Variants in RMP24 observed in about 807,000 individuals in gnomAD.
RMP24 encodes ribonuclease MRP protein subunit p24.
chr18:35,974,889 AT>A, the RMP24 span: 7 of 1,608,334 alleles, frequency 4.4e-6, no homozygotes, highest in Non-Finnish European at 5.9e-6. Context: ...CATTTGTATA[AT>A]TTTAGATGAT....
chr18:35,973,014 A>G, the RMP24 span: 1 of 1,415,022 alleles, frequency 7.1e-7, no homozygotes, highest in Non-Finnish European at 9.9e-7. Context: ...CTCCATAAAA[A>G]CAACAACAAC....
chr18:35,972,806 G>T, the RMP24 span: 1 of 1,614,226 alleles, frequency 6.2e-7, no homozygotes, highest in Admixed American at 1.7e-5. Flanking sequence ...GCTACCTCCT[G>T]TAAGAGGACT....
chr18:35,974,870 T>C, the RMP24 span: 3 of 1,586,776 alleles, frequency 1.9e-6, no homozygotes, highest in Non-Finnish European at 2.6e-6. Context: ...TTTGCTGAAT[T>C]GTGAGTTTCA....
the RMP24 span, chr18:35,972,935 T>G: frequency 5.4e-5 from 87 of 1,613,924 alleles, no homozygotes; most frequent in Non-Finnish European, 6.9e-5. Context: ...CTCTTGTGCT[T>G]TGGGCTCTTG....
At chr18:35,975,018 C>T in the RMP24 span, 80 of 1,613,970 alleles carry the variant, frequency 5.0e-5, no homozygotes, top group African/African-American at 6.7e-5. Flanking sequence ...ACTTCTTAAT[C>T]GAGAAGCGAG....
the RMP24 span, chr18:35,973,281 C>T: frequency 4.8e-5 from 17 of 353,906 alleles, no homozygotes; most frequent in Admixed American, 7.2e-4. Flanking sequence ...ACACTCGCTT[C>T]CTTGGTGACA....
chr18:35,979,237 G>GAT, the RMP24 span: 2 of 333,956 alleles, frequency 6.0e-6, no homozygotes, highest in Non-Finnish European at 1.1e-5. Context: ...CATATCTATA[G>GAT]ATATATATGT....
At chr18:35,974,057 TCTC>T in the RMP24 span, 17 of 152,444 alleles carry the variant, frequency 1.1e-4, no homozygotes, top group African/African-American at 3.8e-4. Context: ...TCACACTAGG[TCTC>T]CTTGCTTTTC....
the RMP24 span, chr18:35,975,034 A>T: frequency 6.2e-7 from 1 of 1,614,112 alleles, no homozygotes; most frequent in Non-Finnish European, 8.5e-7. Flanking sequence ...GCGAGAAACT[A>T]TACACTCAGT....
At chr18:35,976,843 T>C in the RMP24 span, among the ~76,000 whole-genome samples, 1 of 152,250 alleles carries the variant, frequency 6.6e-6, no homozygotes, top group Non-Finnish European at 1.5e-5. Context: ...CATGGTTTTA[T>C]ATTTAAAAAG....
chr18:35,973,492 T>A, the RMP24 span: 1 of 153,324 alleles, frequency 6.5e-6, no homozygotes, highest in Non-Finnish European at 1.5e-5. Context: ...ATCCTCCAGT[T>A]TTTCTCATTT....
At chr18:35,977,718 C>T in the RMP24 span, 1 of 1,012,546 alleles carries the variant, frequency 9.9e-7, no homozygotes, top group Non-Finnish European at 1.4e-6. Context: ...CATTTTTCCT[C>T]CATACCCTTT....
the RMP24 span, chr18:35,975,146 T>C: frequency 1.4e-6 from 2 of 1,466,072 alleles, no homozygotes; most frequent in Non-Finnish European, 1.9e-6. Context: ...TTCTTTTCTT[T>C]CACTTAAAAT....
the RMP24 span, chr18:35,972,909 TAAG>T: frequency 2.5e-6 from 4 of 1,614,192 alleles, no homozygotes; most frequent in East Asian, 2.2e-5. Flanking sequence ...CGTCGCACGG[TAAG>T]AAGAACGCCT....
At chr18:35,978,799 G>T in the RMP24 span, 4 of 1,525,228 alleles carry the variant, frequency 2.6e-6, no homozygotes, top group South Asian at 5.2e-5. Flanking sequence ...ATTGTCATTT[G>T]TTGGTATAAC....
At chr18:35,976,310 C>G in the RMP24 span, among the ~76,000 whole-genome samples, 2 of 151,872 alleles carry the variant, frequency 1.3e-5, no homozygotes, top group East Asian at 3.9e-4. Context: ...CCACCACGCC[C>G]GGCTGATTTA....
chr18:35,974,751 CT>C, the RMP24 span: 2 of 761,832 alleles, frequency 2.6e-6, no homozygotes, highest in African/African-American at 3.5e-5. Context: ...GCCAATTTAT[CT>C]TTTTGTAAAT....
At chr18:35,973,341 C>G in the RMP24 span, 5 of 239,342 alleles carry the variant, frequency 2.1e-5, no homozygotes, top group East Asian at 3.7e-4. Flanking sequence ...TGAGGACTTA[C>G]AAATGTATAT....
the RMP24 span, chr18:35,974,796 CTTATA>C: frequency 9.1e-7 from 1 of 1,094,946 alleles, no homozygotes; most frequent in Non-Finnish European, 1.3e-6. Context: ...TGTGTATCTG[CTTATA>C]TTAAATTTCA....
Sources: gnomAD v4.1 joint callset for allele counts (sites outside exome capture counted in the v4.1 genomes callset) on GRCh38, gnomAD v4.1.1 for gene constraint, MANE v1.5 for transcripts, NCBI Gene and HGNC (gene_info 2026-07-23, HGNC 2026-07-21) for gene names.